NPAS3: variants seen among roughly 807,000 people sequenced by gnomAD.
NPAS3 encodes the protein neuronal PAS domain protein 3, also known as neuronal PAS domain-containing protein 3.
NPAS3 carries 14 observed loss-of-function variants against 73.1 expected under a neutral mutation model. The ratio of observed to expected loss-of-function variants is 0.19; its 90% CI spans 0.13 to 0.30. The LOEUF is 0.30. NPAS3 is among the 10% of genes least tolerant of loss of function. The pLI is 1.00. For synonymous variants in NPAS3, 620 were observed against 541.5 expected (o/e 1.14, Z -2.01); for missense variants, 1,096 against 1,250.0 (o/e 0.88, Z 1.86).
chr14:33,209,089 G>A (rs911164320), intron 2 of NPAS3, among the ~76,000 whole-genome samples: 4 of 152,100 alleles, frequency 2.6e-5, no homozygotes, highest in Non-Finnish European at 5.9e-5. Context: ...AACTTCCAGC[G>A]TATACTATCC....
chr14:33,769,812 T>C (rs1393994088), intron 7 of NPAS3, among the ~76,000 whole-genome samples: 1 of 128,042 alleles, frequency 7.8e-6, no homozygotes, highest in Non-Finnish European at 1.6e-5. Context: ...TCATCCAGGC[T>C]GGCGTGCAGT....
At chr14:33,776,705 T>C (rs2062831850) in intron 8 of NPAS3, among the ~76,000 whole-genome samples, 1 of 152,198 alleles carries the variant, frequency 6.6e-6, no homozygotes, top group Non-Finnish European at 1.5e-5. Flanking sequence ...GGCACTATGC[T>C]GTGTTAATTT....
chr14:33,394,743 G>A (rs1379389288), intron 4 of NPAS3, among the ~76,000 whole-genome samples: 1 of 152,062 alleles, frequency 6.6e-6, no homozygotes, highest in Non-Finnish European at 1.5e-5. Flanking sequence ...AAATCCAAAG[G>A]CCAATTTCTA....
At chr14:32,934,924 G>A (rs753596003), upstream of NPAS3, 90 of 1,070,896 alleles carry the variant, frequency 8.4e-5, 1 homozygote, top group Admixed American at 5.4e-5. This position sits in a 1 kb window ranked among gnomAD's most constrained non-coding sequence, Gnocchi z 4.1. Context: ...GGTGCCGGCC[G>A]GCGCGGGCAT....
chr14:33,385,249 G>A (rs1483477379), intron 4 of NPAS3, among the ~76,000 whole-genome samples: 2 of 152,072 alleles, frequency 1.3e-5, no homozygotes, highest in South Asian at 2.1e-4. Flanking sequence ...TTTTTGGGGG[G>A]TAGGTGCCTT....
chr14:33,228,361 G>C (rs917500841), intron 3 of NPAS3, among the ~76,000 whole-genome samples: 3 of 152,090 alleles, frequency 2.0e-5, no homozygotes, highest in Non-Finnish European at 4.4e-5. Context: ...ACATGTAGAA[G>C]TTGATTTTAT....
intron 9 of NPAS3, chr14:33,780,521 G>C (rs543621186): frequency 1.5e-4 from 64 of 415,628 alleles, no homozygotes; most frequent in African/African-American, 1.2e-3. Flanking sequence ...CTTAATTAAG[G>C]TCTAAATTCA....
intron 3 of NPAS3, among the ~76,000 whole-genome samples, chr14:33,217,101 T>TA (rs1350202005): frequency 1.3e-5 from 2 of 152,010 alleles, no homozygotes; most frequent in African/African-American, 4.8e-5. Context: ...AAGAACGTCT[T>TA]ACATGGCAGC....
intron 5 of NPAS3, among the ~76,000 whole-genome samples, chr14:33,568,515 T>C (rs1404032571): frequency 2.0e-5 from 3 of 152,224 alleles, no homozygotes; most frequent in African/African-American, 7.2e-5. Context: ...TAAAGCCAGC[T>C]ATCCTTTCTC....
At chr14:33,438,301 T>C (rs2049080773) in intron 4 of NPAS3, among the ~76,000 whole-genome samples, 1 of 152,224 alleles carries the variant, frequency 6.6e-6, no homozygotes, top group South Asian at 2.1e-4. Flanking sequence ...TGAAATAAAG[T>C]GCTGCATGTA....
At chr14:33,143,103 C>T (rs2044113979) in intron 2 of NPAS3, among the ~76,000 whole-genome samples, 2 of 151,954 alleles carry the variant, frequency 1.3e-5, no homozygotes, top group African/African-American at 4.8e-5. Context: ...GAAACTCCAT[C>T]TAAAAGAAGA....
intron 5 of NPAS3, among the ~76,000 whole-genome samples, chr14:33,636,161 C>T (rs1020929553): frequency 2.0e-5 from 3 of 152,196 alleles, no homozygotes; most frequent in African/African-American, 7.2e-5. Context: ...CTCAGGTGAT[C>T]CATCCGCCTC....
rs527833248 is a variant in NPAS3 at position 33,305,761 on chromosome 14, C to T, written c.386-61425C>T. ...CTCACTGGATTCTCCAAACTCTTTG[C>T]ACCAGTGAGTTATATTATTGTGACA... On this transcript the variant is annotated intron_variant, in intron 3 of 11. Transcript: ENST00000356141. 2.0e-5 allele frequency among the ~76,000 whole-genome samples: 3 copies of T among 152,242 alleles called. No individual in the cohort carries two copies. The East Asian group carries it at 5.8e-4, about 29-fold the overall frequency.
At chr14:33,671,139 T>G (rs918608187) in intron 5 of NPAS3, among the ~76,000 whole-genome samples, 9 of 152,176 alleles carry the variant, frequency 5.9e-5, no homozygotes, top group African/African-American at 2.2e-4. Flanking sequence ...ACAAGATCAC[T>G]GCCTACTCCT....
intron 2 of NPAS3, among the ~76,000 whole-genome samples, chr14:33,113,926 A>G (rs1476496456): frequency 6.6e-6 from 1 of 152,174 alleles, no homozygotes; most frequent in East Asian, 1.9e-4. Context: ...TGAGATAATC[A>G]TGTGGTTTTT....
At chr14:33,087,885 A>G (rs1008942632) in intron 2 of NPAS3, among the ~76,000 whole-genome samples, 1 of 152,226 alleles carries the variant, frequency 6.6e-6, no homozygotes, top group Non-Finnish European at 1.5e-5. Context: ...AAATGTGTTT[A>G]TATTCATAAT....
intron 5 of NPAS3, among the ~76,000 whole-genome samples, chr14:33,635,279 C>G (rs1260743744): frequency 6.6e-6 from 1 of 152,062 alleles, no homozygotes; most frequent in Non-Finnish European, 1.5e-5. Flanking sequence ...GAGATTCTGG[C>G]TAGCAGTTTC....
At chr14:33,570,489 A>G (rs1043254714) in intron 5 of NPAS3, among the ~76,000 whole-genome samples, 7 of 152,206 alleles carry the variant, frequency 4.6e-5, no homozygotes, top group African/African-American at 1.7e-4. Context: ...GAGACTAGGA[A>G]CCAATTCCCT....
At chr14:33,151,200 A>G (rs2044430411) in intron 2 of NPAS3, among the ~76,000 whole-genome samples, 1 of 152,218 alleles carries the variant, frequency 6.6e-6, no homozygotes, top group Non-Finnish European at 1.5e-5. Flanking sequence ...TTGCAGAAAC[A>G]ACAGTTTCTA....
Sources: allele counts gnomAD v4.1 joint callset (sites outside exome capture counted in the v4.1 genomes callset), GRCh38; gene constraint gnomAD v4.1.1; non-coding constraint Gnocchi (gnomAD v3.1); transcripts MANE v1.5; gene names NCBI Gene and HGNC (gene_info 2026-07-23, HGNC 2026-07-21).